The following ZBTB7C variants were observed in gnomAD, a reference collection of about 807,000 sequenced individuals.
The protein encoded by ZBTB7C is zinc finger and BTB domain containing 7C.
ZBTB7C carries 8 observed loss-of-function variants against 25.7 expected under a neutral mutation model. That is an observed-to-expected ratio of 0.31 (90% CI 0.18 to 0.56). ZBTB7C has a LOEUF of 0.56. Among genes scored for constraint, ZBTB7C ranks in the 20% least tolerant of loss-of-function variants. The pLI is 0.91. For missense variants in ZBTB7C, 824 were observed against 855.2 expected (o/e 0.96, Z 0.46); for synonymous variants, 394 against 369.0 (o/e 1.07, Z -0.78).
chr18:48,278,841 C>G lies in ZBTB7C; in HGVS notation c.-79+59333G>C, dbSNP rs1041005231. On this transcript the variant is annotated intron_variant, in intron 2 of 4. Coordinates refer to ENST00000590800, the MANE Select transcript of ZBTB7C (RefSeq NM_001318841.2). Reference sequence around the variant, plus strand: ...ACAACCGAAACACCGCCTAACTGCTCTCTGCTGTCAACCAGCTCCTCACAG... The same window carrying G: ...ACAACCGAAACACCGCCTAACTGCTGTCTGCTGTCAACCAGCTCCTCACAG... 2.0e-5 allele frequency among the ~76,000 whole-genome samples: 3 copies of G among 152,178 alleles called. No homozygotes were observed. In the South Asian group the frequency reaches 6.2e-4, roughly 32 times the overall value.
At chr18:48,299,401 C>A (rs1171338651) in intron 2 of ZBTB7C, among the ~76,000 whole-genome samples, 1 of 152,220 alleles carries the variant, frequency 6.6e-6, no homozygotes, top group South Asian at 2.1e-4. Flanking sequence ...CATTTGATCA[C>A]AACATCCACC....
intron 3 of ZBTB7C, among the ~76,000 whole-genome samples, chr18:48,041,688 C>A (rs560505366): frequency 2.0e-5 from 3 of 152,130 alleles, no homozygotes; most frequent in Non-Finnish European, 4.4e-5. Context: ...TGCTTCCTGA[C>A]CTTACTCGTT....
chr18:48,349,993 G>A (rs780685711), intron 1 of ZBTB7C, among the ~76,000 whole-genome samples: 3 of 152,160 alleles, frequency 2.0e-5, no homozygotes, highest in Non-Finnish European at 4.4e-5. Flanking sequence ...TGCACTGCAC[G>A]GCACTACACT....
intron 3 of ZBTB7C, among the ~76,000 whole-genome samples, chr18:48,061,938 A>G (rs1176697575): frequency 6.6e-6 from 1 of 152,204 alleles, no homozygotes; most frequent in Admixed American, 6.5e-5. Context: ...CATCAGTAAT[A>G]AAGAATGGCA....
intron 3 of ZBTB7C, among the ~76,000 whole-genome samples, chr18:48,114,359 T>C (rs1412536197): frequency 6.6e-6 from 1 of 152,138 alleles, no homozygotes; most frequent in Non-Finnish European, 1.5e-5. Context: ...CCCAGCACTT[T>C]GGGAGGCTGA....
intron 3 of ZBTB7C, among the ~76,000 whole-genome samples, chr18:48,061,034 A>T (rs1434378506): frequency 6.6e-6 from 1 of 152,080 alleles, no homozygotes; most frequent in Non-Finnish European, 1.5e-5. Flanking sequence ...AGTGGTAGGG[A>T]CAGGGGTATG....
chr18:48,086,343 T>C (rs1379565162), intron 3 of ZBTB7C, among the ~76,000 whole-genome samples: 1 of 152,176 alleles, frequency 6.6e-6, no homozygotes, highest in East Asian at 1.9e-4. Flanking sequence ...GGTTAAGAAA[T>C]ATACTCAAGG....
intron 1 of ZBTB7C, among the ~76,000 whole-genome samples, chr18:48,392,857 A>G (rs553237979): frequency 3.9e-5 from 6 of 152,288 alleles, no homozygotes; most frequent in African/African-American, 1.4e-4. Context: ...TCATTCTGGC[A>G]GGACAGTGCA....
intron 2 of ZBTB7C, among the ~76,000 whole-genome samples, chr18:48,284,411 C>T (rs2044969794): frequency 1.3e-5 from 2 of 151,858 alleles, no homozygotes; most frequent in Admixed American, 6.6e-5. Context: ...TGCACTCCAG[C>T]CTGAGTGACA....
At chr18:48,394,664 T>C (rs1203506126) in intron 1 of ZBTB7C, among the ~76,000 whole-genome samples, 1 of 152,152 alleles carries the variant, frequency 6.6e-6, no homozygotes, top group African/African-American at 2.4e-5. Flanking sequence ...TGTGTCTGTG[T>C]GCGTATGTGT....
At chr18:48,211,383 G>A (rs1015274438) in intron 2 of ZBTB7C, among the ~76,000 whole-genome samples, 4 of 152,060 alleles carry the variant, frequency 2.6e-5, no homozygotes, top group African/African-American at 7.3e-5. Flanking sequence ...CAAAAAACAC[G>A]TCAAGAGAAT....
intron 3 of ZBTB7C, chr18:48,165,332 C>T: frequency 2.4e-6 from 1 of 424,792 alleles, no homozygotes; most frequent in Admixed American, 2.5e-5. Flanking sequence ...GTAGCCCGTC[C>T]TTCAGAGACA....
intron 2 of ZBTB7C, among the ~76,000 whole-genome samples, chr18:48,211,556 C>A (rs1346525159): frequency 6.6e-6 from 1 of 152,132 alleles, no homozygotes; most frequent in Non-Finnish European, 1.5e-5. Context: ...AGAAGATATG[C>A]AGATGGTAAT....
At position 48,040,616 on chromosome 18, in the gene ZBTB7C, GTCATCCTCCTCCTCT is replaced by G. The variant is rs1568167666; in HGVS notation, c.477_491del (p.Glu159_Asp163del). Reference sequence around the variant, plus strand: ...CAGCAAAGTCCTCCGTGTCATCATCGTCATCCTCCTCCTCTTCCTCCTCCTCCTCTTCGTCCTCCT... The same window carrying G: ...CAGCAAAGTCCTCCGTGTCATCATCGTCCTCCTCCTCCTCTTCGTCCTCCT... On this transcript the variant is annotated inframe_deletion, in exon 4 of 5. Transcript: ENST00000590800. The G allele has an allele frequency of 6.2e-7, 1 of 1,613,576 alleles. No individual in the cohort carries two copies. Among genetic ancestry groups the G allele is most frequent in the Non-Finnish European group, 8.5e-7 (1 of 1,179,814 alleles).
intron 2 of ZBTB7C, among the ~76,000 whole-genome samples, chr18:48,266,782 G>A (rs1260695288): frequency 2.0e-5 from 3 of 151,388 alleles, no homozygotes; most frequent in Middle Eastern, 6.8e-3. Flanking sequence ...TTTTATTTCT[G>A]TTTAATGTTA....
intron 3 of ZBTB7C, among the ~76,000 whole-genome samples, chr18:48,108,507 A>C (rs139600471): frequency 6.6e-6 from 1 of 152,152 alleles, no homozygotes; most frequent in Non-Finnish European, 1.5e-5. Context: ...ATCGTAGCTC[A>C]CTGCAGCCTC....
chr18:48,279,693 C>A (rs533914514), intron 2 of ZBTB7C, among the ~76,000 whole-genome samples: 2 of 152,204 alleles, frequency 1.3e-5, no homozygotes, highest in African/African-American at 2.4e-5. Context: ...GCAGCTCCCC[C>A]ACTGAAGCCT....
intron 3 of ZBTB7C, among the ~76,000 whole-genome samples, chr18:48,184,521 G>A (rs1489714312): frequency 6.6e-6 from 1 of 152,154 alleles, no homozygotes; most frequent in Admixed American, 6.5e-5. Flanking sequence ...CAAGAGTGCT[G>A]CAAATTGCTC....
chr18:48,174,689 T>A (rs2041611463), intron 3 of ZBTB7C, among the ~76,000 whole-genome samples: 2 of 152,240 alleles, frequency 1.3e-5, no homozygotes, highest in Admixed American at 1.3e-4. Context: ...CGATGGAGTA[T>A]TATGCAGCTG....
Sources: allele counts gnomAD v4.1 joint callset (sites outside exome capture counted in the v4.1 genomes callset), GRCh38; gene constraint gnomAD v4.1.1; transcripts MANE v1.5; gene names NCBI Gene and HGNC (gene_info 2026-07-23, HGNC 2026-07-21).